SPEN: variants seen among roughly 807,000 people sequenced by gnomAD.
The protein encoded by SPEN is spen family transcriptional repressor.
A neutral mutation model predicts 269.9 loss-of-function variants in SPEN; 18 were observed. The observed-to-expected ratio is 0.07, with a 90% CI of 0.05 to 0.10. The LOEUF (loss-of-function observed/expected upper bound fraction) is 0.10, where lower values mean the gene tolerates loss of function less well. Ranked by LOEUF, SPEN falls within the 10% of genes least tolerant of loss-of-function variation. SPEN has a pLI of 1.00. For synonymous variants in SPEN, 1,726 were observed against 1,765.7 expected (o/e 0.98, Z 0.56); for missense variants, 3,822 against 4,631.2 (o/e 0.83, Z 5.07).
At chr1:15,849,903 A>G (rs1015039467) in intron 1 of SPEN, among the ~76,000 whole-genome samples, 11 of 152,138 alleles carry the variant, frequency 7.2e-5, no homozygotes, top group African/African-American at 2.7e-4. Flanking sequence ...GCACCGATGT[A>G]CAAGCACGTG....
intron 8 of SPEN, among the ~76,000 whole-genome samples, 165 bp downstream of exon 8, chr1:15,919,682 T>G (rs2071098484): frequency 6.6e-6 from 1 of 152,250 alleles, no homozygotes; most frequent in African/African-American, 2.4e-5. Context: ...ATCTGTTGCC[T>G]TAAGTTATGA....
chr1:15,900,630 A>C (rs1319614818), intron 3 of SPEN, among the ~76,000 whole-genome samples: 1 of 152,126 alleles, frequency 6.6e-6, no homozygotes, highest in Non-Finnish European at 1.5e-5. Context: ...TTTTTCTTAC[A>C]ATTCAAAGAT....
At chr1:15,866,937 A>G (rs1345227193) in intron 1 of SPEN, among the ~76,000 whole-genome samples, 2 of 152,216 alleles carry the variant, frequency 1.3e-5, no homozygotes, top group African/African-American at 4.8e-5. Context: ...TTTGTGTTGA[A>G]GGACAGGGAC....
At chr1:15,908,921 T>C (rs1219560355) in intron 3 of SPEN, among the ~76,000 whole-genome samples, 1 of 152,186 alleles carries the variant, frequency 6.6e-6, no homozygotes, top group Non-Finnish European at 1.5e-5. Flanking sequence ...AGGTGTTAAG[T>C]GATTTGTCCA....
intron 10 of SPEN, among the ~76,000 whole-genome samples, chr1:15,924,074 G>T (rs914572250): frequency 1.3e-5 from 2 of 152,158 alleles, no homozygotes; most frequent in South Asian, 2.1e-4. Flanking sequence ...AAATCACAAA[G>T]CTTCAAAGAT....
At position 15,932,147 on chromosome 1, in the gene SPEN, G is replaced by A. The variant is rs201228163; in HGVS notation, c.5907G>A (p.Lys1969=). The A allele has an allele frequency of 1.1e-5, 18 of 1,612,954 alleles. No individual in the cohort carries two copies. In the South Asian group the frequency reaches 1.6e-4, roughly 15 times the overall value. Residue 1969 remains lysine, a synonymous_variant, in exon 11 of 15, where the codon AAG becomes AAA. Transcript: ENST00000375759. The surrounding 1 kb of genome is among the most constrained non-coding windows in gnomAD (Gnocchi z 4.2). ...ATGAAGAGGAGGAGAACGAGGCCAA[G>A]GAACCTGCAGAAACACTCAAGCCAC... The part of the protein sequence containing the change: ...RADEEEENEA[K]EPAETLKPPE...
Position 15,937,418 on chromosome 1 carries a change from C to T in SPEN, c.10282C>T (p.Pro3428Ser), listed in dbSNP as rs1486750640. The T allele has an allele frequency of 1.2e-6, 2 of 1,613,626 alleles. No individual in the cohort carries two copies. ...TCAGAGGGCACAAGCAGAAACAGGC[C>T]CGACTTCCTTCCCCTCCCCTGTGTC... Reference protein sequence around the residue: ...QVQRAQAETGPTSFPSPVSVS... With the variant: ...QVQRAQAETGSTSFPSPVSVS... The change falls in exon 12 of 15, where the codon CCG becomes TCG. Residue 3428 changes from proline (P) to serine (S), a missense_variant. Coordinates refer to ENST00000375759, the MANE Select transcript of SPEN (RefSeq NM_015001.3). This position sits in a 1 kb window ranked among gnomAD's most constrained non-coding sequence, Gnocchi z 5.7.
At position 15,909,372 on chromosome 1, in the gene SPEN, G is replaced by A. The variant is rs767968437; in HGVS notation, c.933G>A (p.Gln311=). 5 of 1,614,026 alleles carry A rather than the reference G, an allele frequency of 3.1e-6. No individual in the cohort carries two copies. In the South Asian group the frequency reaches 5.5e-5, roughly 18 times the overall value. Residue 311 remains glutamine (Q), a synonymous_variant, in exon 4 of 15, where the codon CAG becomes CAA. Coordinates refer to ENST00000375759, the MANE Select transcript of SPEN (RefSeq NM_015001.3). ...SSDDSPARSV[Q]SAAVPAPTSQ... is the part of the protein sequence containing the mutation. ...ATGATTCTCCAGCTCGATCAGTTCA[G>A]TCTGCAGCAGTCCCTGCACCCACTT... is the stretch of plus-strand genomic sequence containing the variant.
In SPEN at chr1:15,906,426, A is replaced by G. The variant is rs185906504; in HGVS notation, c.882-2895A>G. Among the ~76,000 whole-genome samples, 37 of 146,762 alleles carry G rather than the reference A, an allele frequency of 2.5e-4. No homozygotes were observed. The East Asian group carries it at 6.5e-3, about 26-fold the overall frequency. On this transcript the variant is annotated intron_variant, in intron 3 of 14. Transcript: ENST00000375759. ...ATCAGAAAGTGCTGATAACCTTATT[A>G]AGCTTTCTTTTTCTTTTCTTTCTTT...
At chr1:15,897,854 T>C (rs538435234) in intron 3 of SPEN, among the ~76,000 whole-genome samples, 14 of 152,346 alleles carry the variant, frequency 9.2e-5, no homozygotes, top group Admixed American at 9.1e-4. Flanking sequence ...ATCCTAAATT[T>C]AAAGAGTTTA....
At chr1:15,880,254 AT>A (rs201593389) in intron 3 of SPEN, among the ~76,000 whole-genome samples, 17 of 149,468 alleles carry the variant, frequency 1.1e-4, no homozygotes, top group South Asian at 4.2e-4. Context: ...ATAAATCACT[AT>A]TTTTTTTTCC....
chr1:15,873,487 G>T (rs1271954260), intron 2 of SPEN: 5 of 1,014,862 alleles, frequency 4.9e-6, no homozygotes, highest in African/African-American at 1.7e-5. Context: ...GAGCTATTTG[G>T]CTTTTGTGTT....
At position 15,929,394 on chromosome 1, in the gene SPEN, A is replaced by G; in HGVS notation, c.3154A>G (p.Ile1052Val). Residue 1052 changes from isoleucine to valine, a missense_variant, in exon 11 of 15, where the codon ATC becomes GTC. Physicochemically the swap from Ile to Val is conservative, Grantham distance 29. This residue lies in a region of SPEN where 572 missense variants were observed against 582.6 expected (regional missense o/e 0.98). Coordinates refer to ENST00000375759, the MANE Select transcript of SPEN (RefSeq NM_015001.3). This position sits in a 1 kb window ranked among gnomAD's most constrained non-coding sequence, Gnocchi z 5.8. ...KEILKRESKKIKLDRLNTVAS... is the reference protein window; with the variant it reads ...KEILKRESKKVKLDRLNTVAS... ...AATTCTTAAAAGAGAATCTAAAAAA[A>G]TCAAACTGGACAGACTTAATACTGT... The G allele has an allele frequency of 6.2e-7, 1 of 1,613,180 alleles. No homozygotes were observed. Among genetic ancestry groups the G allele is most frequent in the South Asian group, 1.1e-5 (1 of 90,850 alleles).
rs766945368 is a variant in SPEN, at chr1:15,939,421, C to T, written c.10989C>T (p.Ser3663=). ...ISPHLMIVIA[S]V is the part of the protein sequence containing the mutation. Reference sequence around the variant, plus strand: ...CCCACCTCATGATTGTCATTGCCTCCGTGTGAGCCACTGAGTGGTTATCAC... The same window carrying T: ...CCCACCTCATGATTGTCATTGCCTCTGTGTGAGCCACTGAGTGGTTATCAC... Residue 3663 remains serine, a synonymous_variant, in exon 15 of 15, where the codon TCC becomes TCT. Coordinates refer to ENST00000375759, the MANE Select transcript of SPEN (RefSeq NM_015001.3). This position sits in a 1 kb window ranked among gnomAD's most constrained non-coding sequence, Gnocchi z 4.1. 36 of 1,593,548 alleles carry T rather than the reference C, an allele frequency of 2.3e-5. No individual in the cohort carries two copies. The highest frequency in any genetic ancestry group is 4.7e-5 in the East Asian group (2 of 42,980).
rs1385540785 is a variant in SPEN at position 15,932,123 on chromosome 1, TGAA to T, written c.5886_5888del (p.Glu1965del). Reference sequence around the variant, plus strand: ...CTCCAAAGACACGCCGGCGAGCCGATGAAGAGGAGGAGAACGAGGCCAAGGAAC... The same window carrying T: ...CTCCAAAGACACGCCGGCGAGCCGATGAGGAGGAGAACGAGGCCAAGGAAC... On this transcript the variant is annotated inframe_deletion, in exon 11 of 15. Coordinates refer to ENST00000375759, the MANE Select transcript of SPEN (RefSeq NM_015001.3). This position sits in a 1 kb window ranked among gnomAD's most constrained non-coding sequence, Gnocchi z 4.2. 9.3e-6 allele frequency: 15 copies of T among 1,613,690 alleles called. No homozygotes were observed. The highest frequency in any genetic ancestry group is 1.7e-4 in the Middle Eastern group (1 of 6,060).
chr1:15,871,352 CT>C (rs1284127880), intron 1 of SPEN, among the ~76,000 whole-genome samples: 1 of 152,008 alleles, frequency 6.6e-6, no homozygotes, highest in African/African-American at 2.4e-5. Flanking sequence ...TTTCTATTTT[CT>C]TTTTTGAGAC....
chr1:15,865,382 G>A (rs1220081098), intron 1 of SPEN, among the ~76,000 whole-genome samples: 2 of 148,296 alleles, frequency 1.3e-5, no homozygotes, highest in African/African-American at 2.5e-5. Flanking sequence ...CCATTTGTGA[G>A]TGTGTTTTAG....
intron 3 of SPEN, among the ~76,000 whole-genome samples, chr1:15,907,177 T>TA (rs909845110): frequency 2.0e-5 from 3 of 152,140 alleles, no homozygotes; most frequent in Non-Finnish European, 4.4e-5. Flanking sequence ...AGAACTTATT[T>TA]AGTTTTAAAA....
intron 10 of SPEN, among the ~76,000 whole-genome samples, chr1:15,924,433 C>G (rs985475310): frequency 1.3e-5 from 2 of 151,990 alleles, no homozygotes; most frequent in Non-Finnish European, 1.5e-5. Flanking sequence ...GTGGGTGTTA[C>G]TTTTTGTATA....
Sources: allele counts gnomAD v4.1 joint callset (sites outside exome capture counted in the v4.1 genomes callset), GRCh38; gene constraint gnomAD v4.1.1; regional missense constraint gnomAD v4.1.1; non-coding constraint Gnocchi (gnomAD v3.1); transcripts MANE v1.5; gene names NCBI Gene and HGNC (gene_info 2026-07-23, HGNC 2026-07-21).